GPI: variants seen among roughly 807,000 people sequenced by gnomAD.
GPI encodes the protein glucose-6-phosphate isomerase, also known as D-hexose-6-phosphate anomerase.
Under a neutral mutation model 75.8 loss-of-function variants are expected in GPI, and 56 were observed. That is an observed-to-expected ratio of 0.74 (90% CI 0.60 to 0.92). GPI has a LOEUF of 0.92. Ranked by LOEUF, GPI falls within the 40% of genes least tolerant of loss-of-function variation. GPI has a pLI of 0.00. For synonymous variants in GPI, 288 were observed against 285.4 expected (o/e 1.01, Z -0.09); for missense variants, 638 against 741.0 (o/e 0.86, Z 1.61).
At chr19:34,397,170 T>G (rs1306948045) in intron 14 of GPI, 2 of 187,920 alleles carry the variant, frequency 1.1e-5, no homozygotes, top group Non-Finnish European at 1.1e-5. Flanking sequence ...CTGCTTAGAG[T>G]CTTGCAGGCT....
chr19:34,389,410 C>T lies in GPI; in HGVS notation c.805-3838C>T, dbSNP rs116196024. 3.9e-3 allele frequency among the ~76,000 whole-genome samples: 588 copies of T among 152,300 alleles called. 4 individuals carry two copies. Among genetic ancestry groups the T allele is most frequent in the African/African-American group, 0.013 (555 of 41,566 alleles). ...ACCGTGCCTCTCAGCTTCCACCCTGCGGTCCCCACCCCTTCCTTTATCCTC... is the reference window on the plus strand; with the variant it reads ...ACCGTGCCTCTCAGCTTCCACCCTGTGGTCCCCACCCCTTCCTTTATCCTC... On this transcript the variant is annotated intron_variant, in intron 9 of 17. Coordinates refer to ENST00000356487, the MANE Select transcript of GPI (RefSeq NM_000175.5).
intron 9 of GPI, among the ~76,000 whole-genome samples, chr19:34,390,459 G>GT (rs569983662): frequency 8.1e-4 from 123 of 151,904 alleles, no homozygotes; most frequent in African/African-American, 2.9e-3. Flanking sequence ...GTAGGGCCTG[G>GT]TACAGGTATG....
At position 34,379,005 on chromosome 19, in the gene GPI, T is replaced by A. The variant is rs1445600080; in HGVS notation, c.705T>A (p.Asp235Glu). The A allele has an allele frequency of 6.2e-6, 10 of 1,613,434 alleles. No individual in the cohort carries two copies. The highest frequency in any genetic ancestry group is 5.5e-5 in the South Asian group (5 of 91,072). ...AKEWFLQAAK[D>E]PSAVAKHFVA... ...AGTGGTTTCTCCAGGCGGCCAAGGATGTGAGTGGGCTATAGGGCCTTCCTC... is the reference window on the plus strand; with the variant it reads ...AGTGGTTTCTCCAGGCGGCCAAGGAAGTGAGTGGGCTATAGGGCCTTCCTC... The change falls in exon 7 of 18, where the codon GAT becomes GAA. Residue 235 changes from aspartate (D) to glutamate (E), a missense_variant and splice_region_variant. Asp to Glu is a conservative substitution (Grantham distance 45, BLOSUM62 2). Transcript: ENST00000356487.
intron 4 of GPI, among the ~76,000 whole-genome samples, 167 bp from the exon 5 acceptor site, chr19:34,377,336 A>AATATATATAT (rs1243864461): frequency 0.017 from 847 of 49,254 alleles, 22 homozygotes; most frequent in African/African-American, 0.049. Flanking sequence ...AAAAAAAAAA[A>AATATATATAT]ATATATATAT....
At chr19:34,396,071 T>G (rs1395806003) in intron 12 of GPI, among the ~76,000 whole-genome samples, 2 of 151,958 alleles carry the variant, frequency 1.3e-5, no homozygotes, top group Non-Finnish European at 2.9e-5. Flanking sequence ...CCCAAGCAGC[T>G]GGGATTACAG....
In GPI at chr19:34,394,044, G is replaced by A. The variant is rs137853583; in HGVS notation, c.1040G>A (p.Arg347His). ...AMLPYDQYLH[R>H]FAAYFQQGDM... ...CTGCCCTATGACCAGTACCTGCACC[G>A]CTTTGCTGCGTACTTCCAGCAGGTA... The change falls in exon 12 of 18, where the codon CGC becomes CAC. Residue 347 changes from arginine (R) to histidine (H), a missense_variant. Arg to His is a conservative substitution (Grantham distance 29). Coordinates refer to ENST00000356487, the MANE Select transcript of GPI (RefSeq NM_000175.5). 28 of 1,612,302 alleles carry A rather than the reference G, an allele frequency of 1.7e-5. No homozygotes were observed. Among genetic ancestry groups the A allele is most frequent in the South Asian group, 2.2e-5 (2 of 91,082 alleles).
intron 4 of GPI, among the ~76,000 whole-genome samples, chr19:34,374,130 CTTT>C (rs749828679): frequency 1.8e-5 from 2 of 114,126 alleles, no homozygotes; most frequent in African/African-American, 3.5e-5. Context: ...CCATGCCCGC[CTTT>C]TTTTTTTTTT....
At position 34,400,018 on chromosome 19, in the gene GPI, C is replaced by T. The variant is rs898752459; in HGVS notation, c.1659C>T (p.Arg553=). 35 of 1,612,820 alleles carry T rather than the reference C, an allele frequency of 2.2e-5. No individual in the cohort carries two copies. The highest frequency in any genetic ancestry group is 1.7e-4 in the Middle Eastern group (1 of 5,728). The change falls in exon 18 of 18, where the codon CGC becomes CGT. Residue 553 remains arginine (R), a synonymous_variant. Transcript: ENST00000356487. The stretch of plus-strand genomic sequence containing the variant: ...TCATCAACTTCATCAAGCAGCAGCG[C>T]GAGGCCAGAGTCCAATAAACTCGTG... ...NGLINFIKQQ[R]EARVQ
intron 8 of GPI, 60 bp downstream of exon 8, chr19:34,379,622 A>T: frequency 7.3e-7 from 1 of 1,361,232 alleles, no homozygotes; most frequent in Non-Finnish European, 1.1e-6. Flanking sequence ...TGTCCAGGTC[A>T]TGGCCTCTCA....
chr19:34,366,445 T>G lies in GPI; in HGVS notation c.213+10T>G. The stretch of plus-strand genomic sequence containing the variant: ...GATGCTGGTGGACTTGGTAATGTTC[T>G]GCTTGGGGAGGCATAACTGGTAACC... On this transcript the variant is annotated intron_variant, in intron 2 of 17. Transcript: ENST00000356487. 1 of 1,596,460 alleles carries G rather than the reference T, an allele frequency of 6.3e-7. No individual in the cohort carries two copies. Among genetic ancestry groups the G allele is most frequent in the Non-Finnish European group, 8.6e-7 (1 of 1,163,858 alleles).
intron 8 of GPI, chr19:34,379,990 GTTTTTTTTTTTT>G (rs953154032): frequency 3.2e-4 from 33 of 102,578 alleles, no homozygotes; most frequent in Admixed American, 1.4e-3. Context: ...GTGTGGTTTT[GTTTTTTTTTTTT>G]TTTTTTTTTT....
In GPI at chr19:34,400,357, T is replaced by C. The variant is rs2075005060; in HGVS notation, c.*321T>C. 2 of 596,002 alleles carry C rather than the reference T, an allele frequency of 3.4e-6. No homozygotes were observed. The highest frequency in any genetic ancestry group is 6.0e-6 in the Non-Finnish European group (2 of 335,826). 36.9% of individuals were successfully genotyped at this position (596,002 alleles called of 1,614,324 possible). A position where few individuals can be genotyped will look rare whatever the true frequency, so the allele number is the denominator to read the frequency against. ...TGTAGGCTCAGCCTCTGATTTTTTT[T>C]TTCCTGTGATGGTGCTTTATGTAGC... On this transcript the variant is annotated 3_prime_UTR_variant, in exon 18 of 18. Transcript: ENST00000356487.
chr19:34,389,965 C>G (rs570224977), intron 9 of GPI, among the ~76,000 whole-genome samples: 29 of 152,194 alleles, frequency 1.9e-4, no homozygotes, highest in Admixed American at 3.9e-4. Flanking sequence ...CCAAGTGGAG[C>G]TTGCAGGTGT....
chr19:34,360,560 C>T (rs540318805), upstream of GPI, among the ~76,000 whole-genome samples: 3 of 152,076 alleles, frequency 2.0e-5, no homozygotes, highest in Non-Finnish European at 2.9e-5. Context: ...GTCATGCCAC[C>T]GCACTCCAGC....
intron 14 of GPI, chr19:34,397,696 C>T (rs2074965335): frequency 2.6e-5 from 4 of 151,646 alleles, no homozygotes; most frequent in Admixed American, 1.3e-4. Context: ...TTGTAGAGGC[C>T]AGATTTCACT....
Position 34,393,628 on chromosome 19 carries a change from G to A in GPI, c.866-100G>A. On this transcript the variant is annotated intron_variant, in intron 10 of 17. Transcript: ENST00000356487. This position sits in a 1 kb window ranked among gnomAD's most constrained non-coding sequence, Gnocchi z 4.4. ...GAGTCCTCCCATGTCGTATCTTCTGGCTCTCCATGCAGCCTTCCTTCGTTG... is the reference window on the plus strand; with the variant it reads ...GAGTCCTCCCATGTCGTATCTTCTGACTCTCCATGCAGCCTTCCTTCGTTG... The A allele has an allele frequency of 8.6e-7, 1 of 1,164,920 alleles. No individual in the cohort carries two copies. The highest frequency in any genetic ancestry group is 1.3e-6 in the Non-Finnish European group (1 of 774,230). The allele number at this position is 1,164,920 out of a possible 1,614,324, so 72.2% of individuals were successfully genotyped here.
Position 34,365,402 on chromosome 19 carries a change from GGA to G in GPI, c.122+16_122+17del. ...CAACCACTTCAGGTGCGGGCGGGCC[GGA>G]GGCGGGGGCTGCCACGCGCGGCGCC... On this transcript the variant is annotated intron_variant, in intron 1 of 17. Coordinates refer to ENST00000356487, the MANE Select transcript of GPI (RefSeq NM_000175.5). 6.4e-7 allele frequency: 1 copy of G among 1,564,758 alleles called. No individual in the cohort carries two copies. Among genetic ancestry groups the G allele is most frequent in the East Asian group, 2.4e-5 (1 of 41,100 alleles).
At chr19:34,382,413 C>G (rs2145378570) in intron 9 of GPI, among the ~76,000 whole-genome samples, 2 of 152,206 alleles carry the variant, frequency 1.3e-5, no homozygotes, top group Non-Finnish European at 2.9e-5. Flanking sequence ...AGAATGAAGC[C>G]CTAATCCCTT....
At chr19:34,376,592 A>G (rs1459286106) in intron 4 of GPI, among the ~76,000 whole-genome samples, 1 of 149,920 alleles carries the variant, frequency 6.7e-6, no homozygotes, top group Non-Finnish European at 1.5e-5. Flanking sequence ...GCTAAAGCAG[A>G]GCATTTTGTT....
Sources: allele counts gnomAD v4.1 joint callset (sites outside exome capture counted in the v4.1 genomes callset), GRCh38; gene constraint gnomAD v4.1.1; non-coding constraint Gnocchi (gnomAD v3.1); transcripts MANE v1.5; gene names NCBI Gene and HGNC (gene_info 2026-07-23, HGNC 2026-07-21).